Variants in PFDN1 observed in about 807,000 individuals in gnomAD.
PFDN1 encodes the protein prefoldin subunit 1.
PFDN1 carries 6 observed loss-of-function variants against 17.3 expected under a neutral mutation model. The ratio of observed to expected loss-of-function variants is 0.35; its 90% confidence interval spans 0.19 to 0.69. The LOEUF (loss-of-function observed/expected upper bound fraction) is 0.69, where lower values mean the gene tolerates loss of function less well. Ranked by LOEUF, PFDN1 falls within the 30% of genes least tolerant of loss-of-function variation. The pLI, the probability that PFDN1 is intolerant of heterozygous loss-of-function variation, is 0.65. For missense variants in PFDN1, 113 were observed against 146.2 expected, an observed-to-expected ratio of 0.77 and a Z score of 1.17; for synonymous variants, 58 against 50.1, an observed-to-expected ratio of 1.16 and a Z score of -0.67.
intron 3 of PFDN1, among the ~76,000 whole-genome samples, chr5:140,266,942 G>A (rs1055160563): frequency 1.3e-5 from 2 of 152,248 alleles, no homozygotes; most frequent in East Asian, 3.8e-4. Context: ...ACAGTTACAT[G>A]CAGGTGTACT....
At chr5:140,251,480 T>C (rs1764912445) in intron 3 of PFDN1, among the ~76,000 whole-genome samples, 1 of 152,156 alleles carries the variant, frequency 6.6e-6, no homozygotes, top group South Asian at 2.1e-4. Context: ...CTGAAATCCT[T>C]GAGGAACTGC....
intron 3 of PFDN1, among the ~76,000 whole-genome samples, chr5:140,280,365 G>A (rs1350054011): frequency 4.6e-5 from 7 of 152,170 alleles, no homozygotes; most frequent in African/African-American, 1.7e-4. Context: ...GAACAGTTGA[G>A]CTGATTAAAA....
At chr5:140,259,580 A>T (rs940115449) in intron 3 of PFDN1, among the ~76,000 whole-genome samples, 6 of 152,216 alleles carry the variant, frequency 3.9e-5, no homozygotes, top group African/African-American at 1.4e-4. Flanking sequence ...GTTTGTCCTC[A>T]GTTTGTCCCA....
In PFDN1 at chr5:140,270,283, A is replaced by G. The variant is rs546603573; in HGVS notation, c.285+11166T>C. 3.9e-5 allele frequency among the ~76,000 whole-genome samples: 6 copies of G among 152,350 alleles called. No homozygotes were observed. In the East Asian group the frequency reaches 9.6e-4, roughly 24 times the overall value. On this transcript the variant is annotated intron_variant, in intron 3 of 3. Transcript: ENST00000261813. ...GGGTGGAGACTAAGGACATATGGTT[A>G]GACAGAGAAGAGTATAGACCATATA...
intron 2 of PFDN1, among the ~76,000 whole-genome samples, chr5:140,290,288 C>T (rs1765560575): frequency 6.6e-6 from 1 of 152,060 alleles, no homozygotes. Flanking sequence ...AAGTGGGAGA[C>T]CATTAGAAGA....
intron 3 of PFDN1, among the ~76,000 whole-genome samples, chr5:140,264,918 T>C (rs975236628): frequency 3.3e-5 from 5 of 152,194 alleles, no homozygotes; most frequent in African/African-American, 9.6e-5. Flanking sequence ...TGTGAGTATA[T>C]ATAGGGAACA....
chr5:140,279,135 A>G (rs1050532181), intron 3 of PFDN1, among the ~76,000 whole-genome samples: 1 of 152,328 alleles, frequency 6.6e-6, no homozygotes, highest in East Asian at 1.9e-4. Context: ...AAGGTTGTGT[A>G]TATATATGCA....
chr5:140,255,776 C>A (rs1165396536), intron 3 of PFDN1, among the ~76,000 whole-genome samples: 2 of 152,162 alleles, frequency 1.3e-5, no homozygotes, highest in African/African-American at 2.4e-5. Flanking sequence ...TCTGCAAGAT[C>A]CTTCTTGGTG....
chr5:140,252,494 C>T (rs1396878702), intron 3 of PFDN1, among the ~76,000 whole-genome samples: 1 of 152,180 alleles, frequency 6.6e-6, no homozygotes, highest in Non-Finnish European at 1.5e-5. Context: ...CTGGACACCA[C>T]CACCAACTTC....
chr5:140,297,169 T>C (rs1398803105), intron 2 of PFDN1, among the ~76,000 whole-genome samples: 4 of 152,058 alleles, frequency 2.6e-5, no homozygotes, highest in Non-Finnish European at 5.9e-5. Flanking sequence ...AAAAGAAAAA[T>C]GAAGTTTTGG....
At chr5:140,289,200 T>C (rs1481110215) in intron 2 of PFDN1, among the ~76,000 whole-genome samples, 1 of 151,504 alleles carries the variant, frequency 6.6e-6, no homozygotes, top group Non-Finnish European at 1.5e-5. Context: ...GGTAGAGAAC[T>C]GCTTGAGCCC....
intron 3 of PFDN1, among the ~76,000 whole-genome samples, chr5:140,275,572 T>C (rs146831290): frequency 1.3e-5 from 2 of 152,104 alleles, no homozygotes; most frequent in East Asian, 1.9e-4. Flanking sequence ...GGGCACAACA[T>C]GACAAAGCTA....
At chr5:140,267,204 T>G (rs1315756567) in intron 3 of PFDN1, among the ~76,000 whole-genome samples, 1 of 152,198 alleles carries the variant, frequency 6.6e-6, no homozygotes, top group Admixed American at 6.5e-5. Flanking sequence ...GAATCACACA[T>G]GCGGTTATAT....
chr5:140,246,100 G>A, intron 3 of PFDN1, 43 bp from the exon 4 acceptor site: 2 of 1,191,428 alleles, frequency 1.7e-6, no homozygotes, highest in South Asian at 1.3e-5. Context: ...CAGAGTGAAT[G>A]GGCCGGGCTG....
At chr5:140,277,799 G>A (rs1403507359) in intron 3 of PFDN1, among the ~76,000 whole-genome samples, 4 of 151,628 alleles carry the variant, frequency 2.6e-5, no homozygotes, top group African/African-American at 9.7e-5. Context: ...AAGCATGAAA[G>A]ACATAGACAA....
intron 3 of PFDN1, among the ~76,000 whole-genome samples, chr5:140,273,225 A>G (rs920745489): frequency 1.3e-5 from 2 of 151,250 alleles, no homozygotes; most frequent in East Asian, 3.9e-4. Flanking sequence ...AGCCTGGGCA[A>G]CAGAGCAAGA....
At chr5:140,271,217 G>A (rs751627759) in intron 3 of PFDN1, among the ~76,000 whole-genome samples, 4 of 152,166 alleles carry the variant, frequency 2.6e-5, no homozygotes, top group Admixed American at 2.0e-4. Flanking sequence ...TCAGGACATA[G>A]AGACTATATA....
intron 2 of PFDN1, among the ~76,000 whole-genome samples, chr5:140,286,383 G>T (rs1346294456): frequency 4.5e-5 from 6 of 131,944 alleles, no homozygotes; most frequent in Non-Finnish European, 7.7e-5. Flanking sequence ...TTGCACTCCA[G>T]CCTGGGTGAC....
chr5:140,287,103 G>A (rs1431083643), intron 2 of PFDN1, among the ~76,000 whole-genome samples: 2 of 152,176 alleles, frequency 1.3e-5, no homozygotes, highest in African/African-American at 2.4e-5. Flanking sequence ...ATCAACCTTG[G>A]ATTAACTAGT....
Sources: allele counts gnomAD v4.1 joint callset (sites outside exome capture counted in the v4.1 genomes callset), GRCh38; gene constraint gnomAD v4.1.1; transcripts MANE v1.5; gene names NCBI Gene and HGNC (gene_info 2026-07-23, HGNC 2026-07-21).